The following GRIK1 variants were observed in gnomAD, a reference collection of about 807,000 sequenced individuals.
GRIK1 encodes glutamate receptor ionotropic, kainate 1.
Under a neutral mutation model 105.7 loss-of-function variants are expected in GRIK1, and 69 were observed. The observed-to-expected ratio is 0.65, with a 90% CI of 0.54 to 0.80. GRIK1 has a LOEUF of 0.80. GRIK1 is among the 30% of genes least tolerant of loss of function. GRIK1 has a pLI of 0.00. For synonymous variants in GRIK1, 438 were observed against 431.3 expected, an observed-to-expected ratio of 1.02 and a Z score of -0.19; for missense variants, 1,109 against 1,167.3, an observed-to-expected ratio of 0.95 and a Z score of 0.73.
chr21:29,608,711 A>G (rs1038676956), intron 7 of GRIK1, among the ~76,000 whole-genome samples: 1 of 152,204 alleles, frequency 6.6e-6, no homozygotes. Context: ...GCTATAAACT[A>G]CAGTCTGGAA....
chr21:29,705,344 C>T (rs2063884613), intron 1 of GRIK1, among the ~76,000 whole-genome samples: 1 of 152,186 alleles, frequency 6.6e-6, no homozygotes, highest in South Asian at 2.1e-4. Context: ...TTCATTTCAT[C>T]CTTCTTAAAA....
chr21:29,922,991 C>T (rs942774115), intron 1 of GRIK1, among the ~76,000 whole-genome samples: 47 of 152,128 alleles, frequency 3.1e-4, no homozygotes, highest in African/African-American at 9.9e-4. Context: ...TTATTTGACC[C>T]GAAAGGACTT....
intron 1 of GRIK1, among the ~76,000 whole-genome samples, chr21:29,796,256 T>G (rs1360506766): frequency 6.6e-6 from 1 of 152,190 alleles, no homozygotes; most frequent in Non-Finnish European, 1.5e-5. Context: ...TCTCTTAGTC[T>G]TCATTCTATC....
intron 7 of GRIK1, among the ~76,000 whole-genome samples, chr21:29,601,945 T>TA (rs34117504): frequency 1 from 152,366 of 152,368 alleles, 76,182 homozygotes; most frequent in Middle Eastern, 1. Flanking sequence ...TTAATTTGTG[T>TA]TTTTACTTTT....
intron 1 of GRIK1, among the ~76,000 whole-genome samples, chr21:29,798,957 A>G (rs1187380493): frequency 1.3e-5 from 2 of 152,204 alleles, no homozygotes; most frequent in African/African-American, 2.4e-5. Flanking sequence ...TCGATGCTAA[A>G]TTAATTCCAT....
At chr21:29,628,755 A>G (rs1434666552) in intron 7 of GRIK1, among the ~76,000 whole-genome samples, 1 of 152,210 alleles carries the variant, frequency 6.6e-6, no homozygotes, top group East Asian at 1.9e-4. Context: ...TGTGGTCAAT[A>G]AAACCCAAAA....
chr21:29,835,945 A>G (rs1355290780), intron 1 of GRIK1, among the ~76,000 whole-genome samples: 2 of 152,200 alleles, frequency 1.3e-5, no homozygotes, highest in Non-Finnish European at 2.9e-5. Context: ...CCAACCACGC[A>G]AATATTCATT....
chr21:29,659,012 G>A (rs190479207), intron 4 of GRIK1, among the ~76,000 whole-genome samples: 115 of 152,278 alleles, frequency 7.6e-4, no homozygotes, highest in Non-Finnish European at 1.3e-3. Context: ...ATTGCTAGGA[G>A]GTTTAGGGTC....
chr21:29,921,401 C>T (rs1311514457), intron 1 of GRIK1, among the ~76,000 whole-genome samples: 1 of 152,130 alleles, frequency 6.6e-6, no homozygotes, highest in Non-Finnish European at 1.5e-5. Context: ...ATTATTAATT[C>T]AAATTGTTGC....
chr21:29,849,872 A>C (rs777725183), intron 1 of GRIK1, among the ~76,000 whole-genome samples: 22 of 152,240 alleles, frequency 1.4e-4, no homozygotes, highest in South Asian at 4.1e-4. Context: ...TGCTGCTCTG[A>C]TCTTCATGCC....
intron 5 of GRIK1, among the ~76,000 whole-genome samples, chr21:29,653,719 A>G (rs2062787330): frequency 6.6e-6 from 1 of 152,186 alleles, no homozygotes; most frequent in Admixed American, 6.5e-5. Context: ...AAGAAACAGT[A>G]AGAGGCAAAT....
At chr21:29,875,645 G>A (rs1185841222) in intron 1 of GRIK1, among the ~76,000 whole-genome samples, 1 of 151,906 alleles carries the variant, frequency 6.6e-6, no homozygotes, top group Non-Finnish European at 1.5e-5. Context: ...TTTATGTAGA[G>A]CCCACCATGA....
At chr21:29,537,736 A>G (rs752819611) in intron 17 of GRIK1, 62 bp downstream of exon 17, 4 of 853,200 alleles carry the variant, frequency 4.7e-6, no homozygotes, top group Non-Finnish European at 8.2e-6. Flanking sequence ...AGATGATCCA[A>G]ACATTGATAG....
chr21:29,817,294 A>C (rs2145912918), intron 1 of GRIK1, among the ~76,000 whole-genome samples: 1 of 152,270 alleles, frequency 6.6e-6, no homozygotes, highest in Non-Finnish European at 1.5e-5. Flanking sequence ...AAAAATAATT[A>C]TAGAGTGAAA....
chr21:29,737,442 A>G (rs1373512528), intron 1 of GRIK1, among the ~76,000 whole-genome samples: 1 of 152,258 alleles, frequency 6.6e-6, no homozygotes, highest in South Asian at 2.1e-4. Context: ...ACGACTGAGG[A>G]GGCTTGAAAA....
chr21:29,702,727 A>T (rs938839268), intron 1 of GRIK1, among the ~76,000 whole-genome samples: 1 of 152,114 alleles, frequency 6.6e-6, no homozygotes, highest in Non-Finnish European at 1.5e-5. Flanking sequence ...CAAACAAGAA[A>T]ACAAACAAAA....
intron 16 of GRIK1, among the ~76,000 whole-genome samples, chr21:29,541,575 C>CTTTTTTGTTTTTTTTTTTTT (rs2089971309): frequency 1.0e-5 from 1 of 96,006 alleles, no homozygotes. Flanking sequence ...CACTCACGGT[C>CTTTTTTGTTTTTTTTTTTTT]TTTTTTTTTT....
intron 7 of GRIK1, among the ~76,000 whole-genome samples, chr21:29,611,637 C>A (rs2061732150): frequency 6.6e-6 from 1 of 151,880 alleles, no homozygotes; most frequent in African/African-American, 2.4e-5. Context: ...GGAAAGAGAT[C>A]CTAAAGTTAG....
intron 7 of GRIK1, among the ~76,000 whole-genome samples, chr21:29,630,984 T>A (rs886751351): frequency 6.6e-6 from 1 of 151,918 alleles, no homozygotes; most frequent in Non-Finnish European, 1.5e-5. Context: ...GTTTTTTTAT[T>A]TTTTGTAGAG....
Sources: allele counts gnomAD v4.1 joint callset (sites outside exome capture counted in the v4.1 genomes callset), GRCh38; gene constraint gnomAD v4.1.1; transcripts MANE v1.5; gene names NCBI Gene and HGNC (gene_info 2026-07-23, HGNC 2026-07-21).